The following NPAS2 variants were observed in gnomAD, a reference collection of about 807,000 sequenced individuals.
NPAS2 encodes neuronal PAS domain-containing protein 2.
NPAS2 carries 23 observed loss-of-function variants against 107.5 expected under a neutral mutation model. The observed-to-expected ratio is 0.21, with a 90% confidence interval of 0.15 to 0.30. The LOEUF (loss-of-function observed/expected upper bound fraction) is 0.30. Ranked by LOEUF, NPAS2 falls within the 10% of genes least tolerant of loss-of-function variation. The probability of loss-of-function intolerance (pLI) is 1.00; values close to 1 mark genes in which losing one functional copy is unlikely to be tolerated. For missense variants in NPAS2, 756 were observed against 1,043.3 expected, an observed-to-expected ratio of 0.72 and a Z score of 3.79; for synonymous variants, 403 against 417.5, an observed-to-expected ratio of 0.97 and a Z score of 0.42.
At chr2:100,893,132 A>G (rs1346996476) in intron 1 of NPAS2, among the ~76,000 whole-genome samples, 1 of 152,232 alleles carries the variant, frequency 6.6e-6, no homozygotes, top group East Asian at 1.9e-4. Flanking sequence ...TGACAAAGGA[A>G]GATAAGTGAG....
At chr2:100,864,047 G>A (rs1307363062) in intron 1 of NPAS2, among the ~76,000 whole-genome samples, 2 of 152,208 alleles carry the variant, frequency 1.3e-5, no homozygotes, top group African/African-American at 4.8e-5. Context: ...GCATTATGCC[G>A]AGATGTCATG....
rs1461475598 is a variant in NPAS2 at position 100,965,002 on chromosome 2, C to A, written c.800+59C>A. ...CCTTCTCAAGTCTTGTTTGCGTGAG[C>A]CAGGCTCTCCTTGGGAGAGAAGAGT... On this transcript the variant is annotated intron_variant, in intron 9 of 20. Coordinates refer to ENST00000335681, the MANE Select transcript of NPAS2 (RefSeq NM_002518.4). The surrounding 1 kb of genome is among the most constrained non-coding windows in gnomAD (Gnocchi z 4.3). The A allele has an allele frequency of 3.7e-5, 42 of 1,138,142 alleles. No homozygotes were observed. The highest frequency in any genetic ancestry group is 5.1e-6 in the Non-Finnish European group (4 of 791,436). 70.5% of individuals were successfully genotyped at this position (1,138,142 alleles called of 1,614,324 possible). A position where few individuals can be genotyped will look rare whatever the true frequency, so the allele number is the denominator to read the frequency against.
At chr2:100,946,193 A>T (rs1011746873) in intron 5 of NPAS2, among the ~76,000 whole-genome samples, 4 of 152,196 alleles carry the variant, frequency 2.6e-5, no homozygotes, top group Non-Finnish European at 4.4e-5. Flanking sequence ...GAGCTCATGG[A>T]ACCTTCATGG....
At chr2:100,927,038 A>C (rs980388256) in intron 3 of NPAS2, among the ~76,000 whole-genome samples, 2 of 147,104 alleles carry the variant, frequency 1.4e-5, no homozygotes, top group Middle Eastern at 3.6e-3. Context: ...TCCAGGGTTC[A>C]CACCATTCTC....
At chr2:100,886,323 G>T (rs1680696740) in intron 1 of NPAS2, among the ~76,000 whole-genome samples, 1 of 152,182 alleles carries the variant, frequency 6.6e-6, no homozygotes, top group South Asian at 2.1e-4. Flanking sequence ...CTCCTATCCA[G>T]CAACCTTTTG....
chr2:100,880,612 G>A (rs1305283392), intron 1 of NPAS2, among the ~76,000 whole-genome samples: 1 of 152,210 alleles, frequency 6.6e-6, no homozygotes, highest in African/African-American at 2.4e-5. Flanking sequence ...GTGGGAGTGA[G>A]AGCATAGCTC....
At chr2:100,857,264 C>G (rs1332475847) in intron 1 of NPAS2, among the ~76,000 whole-genome samples, 1 of 148,988 alleles carries the variant, frequency 6.7e-6, no homozygotes, top group Non-Finnish European at 1.5e-5. Context: ...CGCCATTGCA[C>G]TCCAGCCTGG....
intron 1 of NPAS2, chr2:100,901,412 G>A (rs866163308): frequency 1.2e-5 from 5 of 420,812 alleles, no homozygotes; most frequent in African/African-American, 1.1e-4. Context: ...ATTTCAAACT[G>A]GGGGGGATGT....
At chr2:100,901,956 C>T (rs1181902625) in intron 1 of NPAS2, among the ~76,000 whole-genome samples, 1 of 152,136 alleles carries the variant, frequency 6.6e-6, no homozygotes, top group Non-Finnish European at 1.5e-5. Context: ...CGGCATCCCT[C>T]CATTGTTCAC....
chr2:100,970,800 A>G, intron 11 of NPAS2, 190 bp from the exon 12 acceptor site: 1 of 478,322 alleles, frequency 2.1e-6, no homozygotes, highest in Non-Finnish European at 3.7e-6. Context: ...TAAGTCACTC[A>G]GGTCGAATTT....
chr2:100,844,214 T>C (rs2104438834), intron 1 of NPAS2, among the ~76,000 whole-genome samples: 1 of 152,244 alleles, frequency 6.6e-6, no homozygotes, highest in African/African-American at 2.4e-5. Context: ...TGCCCAGCTC[T>C]GTGCTGGGTG....
intron 1 of NPAS2, among the ~76,000 whole-genome samples, chr2:100,846,296 G>A (rs1677770501): frequency 1.3e-5 from 2 of 152,176 alleles, no homozygotes; most frequent in Admixed American, 6.5e-5. Context: ...CAGAGTTTAA[G>A]GCATTAAGTT....
chr2:100,855,751 C>A (rs1467056749), intron 1 of NPAS2, among the ~76,000 whole-genome samples: 1 of 152,190 alleles, frequency 6.6e-6, no homozygotes, highest in Admixed American at 6.5e-5. Flanking sequence ...AGTGAGGCAA[C>A]CAGGCCCATT....
intron 5 of NPAS2, among the ~76,000 whole-genome samples, chr2:100,947,260 A>G (rs1674955545): frequency 6.6e-6 from 1 of 152,116 alleles, no homozygotes; most frequent in East Asian, 1.9e-4. Flanking sequence ...TTTCAATTCA[A>G]ATTAAATGGG....
intron 7 of NPAS2, among the ~76,000 whole-genome samples, chr2:100,954,758 A>G (rs891805910): frequency 6.6e-6 from 1 of 151,688 alleles, no homozygotes; most frequent in Admixed American, 6.6e-5. Flanking sequence ...TCCAACTCCA[A>G]GTTCCCAGGT....
chr2:100,840,874 A>T (rs1443219173), intron 1 of NPAS2, among the ~76,000 whole-genome samples: 1 of 152,168 alleles, frequency 6.6e-6, no homozygotes, highest in African/African-American at 2.4e-5. Flanking sequence ...GTCTAAAAAT[A>T]AGCACGAGGA....
At chr2:100,822,381 TA>T (rs1168770302) in intron 1 of NPAS2, among the ~76,000 whole-genome samples, 10 of 152,206 alleles carry the variant, frequency 6.6e-5, no homozygotes, top group East Asian at 1.9e-4. Flanking sequence ...TTGGGCCCTT[TA>T]AAAAAATTTC....
At chr2:100,822,961 T>C (rs1676161830) in intron 1 of NPAS2, among the ~76,000 whole-genome samples, 1 of 152,218 alleles carries the variant, frequency 6.6e-6, no homozygotes, top group Non-Finnish European at 1.5e-5. Context: ...CAGAAGTGTC[T>C]GATTAGCATG....
At chr2:100,877,674 G>T (rs1680068988) in intron 1 of NPAS2, among the ~76,000 whole-genome samples, 1 of 151,860 alleles carries the variant, frequency 6.6e-6, no homozygotes, top group African/African-American at 2.4e-5. Context: ...ACAGCACCAT[G>T]TGCATTTTCT....
Sources: allele counts gnomAD v4.1 joint callset (sites outside exome capture counted in the v4.1 genomes callset), GRCh38; gene constraint gnomAD v4.1.1; non-coding constraint Gnocchi (gnomAD v3.1); transcripts MANE v1.5; gene names NCBI Gene and HGNC (gene_info 2026-07-23, HGNC 2026-07-21).